ZNF829: variants seen among roughly 807,000 people sequenced by gnomAD.
The protein encoded by ZNF829 is zinc finger protein 829.
A neutral mutation model predicts 35.2 loss-of-function variants in ZNF829; 25 were observed. The ratio of observed to expected loss-of-function variants is 0.71; its 90% CI spans 0.52 to 0.99. The LOEUF (loss-of-function observed/expected upper bound fraction) is 0.99. ZNF829 is among the 50% of genes least tolerant of loss of function. The pLI is 0.00. For missense variants in ZNF829, 417 were observed against 515.3 expected (o/e 0.81, Z 1.85); for synonymous variants, 136 against 163.2 (o/e 0.83, Z 1.27).
chr19:36,894,714 A>G (rs1017091130), intron 5 of ZNF829, among the ~76,000 whole-genome samples: 1 of 152,148 alleles, frequency 6.6e-6, no homozygotes, highest in African/African-American at 2.4e-5. Context: ...AGAATTTCTG[A>G]ACTTGAGGAC....
Position 36,903,325 on chromosome 19 carries a change from T to G in ZNF829, c.319+4604A>C, listed in dbSNP as rs1020253316. On this transcript the variant is annotated intron_variant, in intron 5 of 5. Coordinates refer to ENST00000391711, the MANE Select transcript of ZNF829 (RefSeq NM_001037232.4). Reference sequence around the variant, plus strand: ...TAATATAAATAAATACATGTGGTTTTGTTTTGTTTTGTTTTTGGGTCAAGG... The same window carrying G: ...TAATATAAATAAATACATGTGGTTTGGTTTTGTTTTGTTTTTGGGTCAAGG... Among the ~76,000 whole-genome samples, 7 of 152,306 alleles carry G rather than the reference T, an allele frequency of 4.6e-5. No individual in the cohort carries two copies. In the South Asian group the frequency reaches 6.2e-4, roughly 14 times the overall value.
chr19:36,903,854 A>G (rs1185129358), intron 5 of ZNF829, among the ~76,000 whole-genome samples: 4 of 140,582 alleles, frequency 2.8e-5, no homozygotes, highest in African/African-American at 1.1e-4. Flanking sequence ...AACAAGAGTA[A>G]AACTGTCTCG....
chr19:36,906,323 T>C (rs1568371191), intron 5 of ZNF829: 2 of 152,234 alleles, frequency 1.3e-5, no homozygotes, highest in Admixed American at 6.5e-5. Context: ...ATTTACATCA[T>C]GTATAACCAA....
At position 36,903,838 on chromosome 19, in the gene ZNF829, C is replaced by T. The variant is rs2061252751; in HGVS notation, c.319+4091G>A. 4.0e-5 allele frequency among the ~76,000 whole-genome samples: 6 copies of T among 151,518 alleles called. No individual in the cohort carries two copies. The South Asian group carries it at 1.3e-3, about 32-fold the overall frequency. On this transcript the variant is annotated intron_variant, in intron 5 of 5. Transcript: ENST00000391711. ...TGAGGTTGCACCACTGCACTCCAGC[C>T]TGGGCAACAAGAGTAAAACTGTCTC...
At chr19:36,892,870 C>A in intron 5 of ZNF829, 1 of 1,157,822 alleles carries the variant, frequency 8.6e-7, no homozygotes, top group South Asian at 4.0e-5. Flanking sequence ...CGTCGTACAG[C>A]TTGTGGAGCT....
rs1305859121 is a variant in ZNF829, at chr19:36,891,816, T to C, written c.975A>G (p.Glu325=). 1 of 1,614,128 alleles carries C rather than the reference T, an allele frequency of 6.2e-7. No individual in the cohort carries two copies. The highest frequency in any genetic ancestry group is 8.5e-7 in the Non-Finnish European group (1 of 1,180,016). Residue 325 remains glutamate (E), a synonymous_variant, in exon 6 of 6, where the codon GAA becomes GAG. Transcript: ENST00000391711. ...TAAAGGCCTTCCCACACTGCTTACA[T>C]TCATAAGGTTTCTCACCAGTATGCA... ...QRMHTGEKPY[E]CKQCGKAFNS...
Position 36,916,130 on chromosome 19 carries a change from T to G in ZNF829, c.-204A>C. The G allele has an allele frequency of 1.8e-6, 1 of 550,344 alleles. No homozygotes were observed. The highest frequency in any genetic ancestry group is 2.4e-5 in the South Asian group (1 of 41,940). 34.1% of individuals were successfully genotyped at this position (550,344 alleles called of 1,614,324 possible). ...AGAGCGGGACCCACGCCGATTCCTGTCAGCTCCTCGCCTGGGCCCACCCGA... is the reference window on the plus strand; with the variant it reads ...AGAGCGGGACCCACGCCGATTCCTGGCAGCTCCTCGCCTGGGCCCACCCGA... On this transcript the variant is annotated 5_prime_UTR_variant, in exon 1 of 6. Transcript: ENST00000391711. The surrounding 1 kb of genome is among the most constrained non-coding windows in gnomAD (Gnocchi z 5.3).
At chr19:36,903,026 T>A (rs1397762033) in intron 5 of ZNF829, among the ~76,000 whole-genome samples, 1 of 151,926 alleles carries the variant, frequency 6.6e-6, no homozygotes, top group Non-Finnish European at 1.5e-5. Context: ...ACAGAGCGAA[T>A]CTCCATCTCA....
intron 5 of ZNF829, among the ~76,000 whole-genome samples, chr19:36,903,484 T>C (rs1282295806): frequency 6.6e-6 from 1 of 152,238 alleles, no homozygotes; most frequent in Non-Finnish European, 1.5e-5. Flanking sequence ...TTAAAATGTT[T>C]ATATATCACA....
intron 3 of ZNF829, among the ~76,000 whole-genome samples, chr19:36,910,904 G>A (rs536852257): frequency 1.6e-4 from 25 of 152,250 alleles, no homozygotes; most frequent in Admixed American, 4.6e-4. Context: ...CTACTCAGAA[G>A]GCCAAGGCAG....
intron 5 of ZNF829, among the ~76,000 whole-genome samples, chr19:36,901,258 T>A (rs982608388): frequency 5.9e-5 from 9 of 152,168 alleles, no homozygotes; most frequent in African/African-American, 2.2e-4. Flanking sequence ...AAATAGGGAA[T>A]TTGCAGAAGA....
chr19:36,894,782 A>T (rs2073096209), intron 5 of ZNF829, among the ~76,000 whole-genome samples: 1 of 152,160 alleles, frequency 6.6e-6, no homozygotes, highest in Admixed American at 6.5e-5. Flanking sequence ...TTTAAAACTG[A>T]AAAAAGCTTA....
intron 3 of ZNF829, among the ~76,000 whole-genome samples, chr19:36,909,038 A>G (rs2073241955): frequency 6.6e-6 from 1 of 152,192 alleles, no homozygotes. Flanking sequence ...TTTTCTTAGG[A>G]AGCTACTAGG....
intron 5 of ZNF829, among the ~76,000 whole-genome samples, chr19:36,895,503 T>A (rs1169689643): frequency 6.6e-6 from 1 of 151,986 alleles, no homozygotes; most frequent in African/African-American, 2.4e-5. Context: ...TAGGAATAAA[T>A]CCTCACCTAT....
rs898170886 is a variant in ZNF829 at position 36,916,275 on chromosome 19, G to T, written c.-349C>A. 1.4e-5 allele frequency: 4 copies of T among 278,038 alleles called. No homozygotes were observed. The highest frequency in any genetic ancestry group is 2.2e-5 in the African/African-American group (1 of 45,100). The allele number at this position is 278,038 out of a possible 1,614,324, so 17.2% of individuals were successfully genotyped here. A position where few individuals can be genotyped will look rare whatever the true frequency, so the allele number is the denominator to read the frequency against. ...CGGCCCAAGCCTCACCCTCACACAG[G>T]AAAGCAGATGTGTTCTGGCCGGAAG... is the stretch of plus-strand genomic sequence containing the variant. On this transcript the variant is annotated 5_prime_UTR_variant, in exon 1 of 6. Transcript: ENST00000391711. This position sits in a 1 kb window ranked among gnomAD's most constrained non-coding sequence, Gnocchi z 5.3.
chr19:36,914,911 T>C (rs1600746678), intron 3 of ZNF829, 54 bp downstream of exon 3: 3 of 1,564,498 alleles, frequency 1.9e-6, no homozygotes, highest in Non-Finnish European at 8.8e-7. Context: ...TATAATTAAA[T>C]GACATTCCTT....
At position 36,890,114 on chromosome 19, in the gene ZNF829, T is replaced by C. The variant is rs2073035635; in HGVS notation, c.*1378A>G. The C allele has an allele frequency of 6.6e-6, 1 of 152,224 alleles. No homozygotes were observed. Among genetic ancestry groups the C allele is most frequent in the South Asian group, 2.1e-4 (1 of 4,828 alleles). 9.4% of individuals were successfully genotyped at this position (152,224 alleles called of 1,614,324 possible). A position where few individuals can be genotyped will look rare whatever the true frequency, so the allele number is the denominator to read the frequency against. ...ATTGATATCTAGTTTTATTCCACTA[T>C]GGTCAGAGAAGATGTTAGATATGAT... On this transcript the variant is annotated 3_prime_UTR_variant, in exon 6 of 6. Transcript: ENST00000391711.
intron 5 of ZNF829, among the ~76,000 whole-genome samples, chr19:36,897,952 T>C (rs1485338329): frequency 6.6e-6 from 1 of 152,180 alleles, no homozygotes; most frequent in Non-Finnish European, 1.5e-5. Flanking sequence ...GTGGATCACT[T>C]GAGGTCACGA....
chr19:36,891,386 G>A lies in ZNF829; in HGVS notation c.*106C>T, dbSNP rs971615847. 4.4e-5 allele frequency: 52 copies of A among 1,185,562 alleles called. No individual in the cohort carries two copies. Among genetic ancestry groups the A allele is most frequent in the South Asian group, 1.7e-4 (8 of 46,142 alleles). The allele number at this position is 1,185,562 out of a possible 1,614,324, so 73.4% of individuals were successfully genotyped here. A position where few individuals can be genotyped will look rare whatever the true frequency, so the allele number is the denominator to read the frequency against. On this transcript the variant is annotated 3_prime_UTR_variant, in exon 6 of 6. Coordinates refer to ENST00000391711, the MANE Select transcript of ZNF829 (RefSeq NM_001037232.4). ...CTTTGTTATCGTATCGTTTAAAAACGAATACATAGGAGAACCTTTGATAAT... is the reference window on the plus strand; with the variant it reads ...CTTTGTTATCGTATCGTTTAAAAACAAATACATAGGAGAACCTTTGATAAT...
Sources: allele counts gnomAD v4.1 joint callset (sites outside exome capture counted in the v4.1 genomes callset), GRCh38; gene constraint gnomAD v4.1.1; non-coding constraint Gnocchi (gnomAD v3.1); transcripts MANE v1.5; gene names NCBI Gene and HGNC (gene_info 2026-07-23, HGNC 2026-07-21).